TGS1: variants seen among roughly 807,000 people sequenced by gnomAD.
The protein encoded by TGS1 is trimethylguanosine synthase.
TGS1 carries 69 observed loss-of-function variants against 92.2 expected under a neutral mutation model. The observed-to-expected ratio is 0.75, with a 90% CI of 0.62 to 0.91. TGS1 has a LOEUF of 0.91. TGS1 is among the 40% of genes least tolerant of loss of function. The pLI is 0.00. For synonymous variants in TGS1, 345 were observed against 338.1 expected, an observed-to-expected ratio of 1.02 and a Z score of -0.22; for missense variants, 1,062 against 1,001.2, an observed-to-expected ratio of 1.06 and a Z score of -0.82.
At chr8:55,809,520 GCA>G (rs1238288457) in intron 10 of TGS1, among the ~76,000 whole-genome samples, 5 of 151,980 alleles carry the variant, frequency 3.3e-5, no homozygotes, top group African/African-American at 1.2e-4. Context: ...GAGTGCAGTG[GCA>G]CAGTCTCAGC....
chr8:55,786,706 A>G lies in TGS1; in HGVS notation c.808A>G (p.Thr270Ala). The G allele has an allele frequency of 6.2e-7, 1 of 1,614,190 alleles. No homozygotes were observed. Residue 270 changes from threonine to alanine, a missense_variant, in exon 4 of 13, where the codon ACA becomes GCA. By Grantham distance (58) the Thr-to-Ala change is moderately conservative (BLOSUM62 0). Transcript: ENST00000260129. ...WTFDASQSCD[T>A]DTYTSKTEAD... is the part of the protein sequence containing the mutation. ...TTTTGATGCCTCGCAAAGCTGTGATACAGATACTTACACATCTAAAACAGA... is the reference window on the plus strand; with the variant it reads ...TTTTGATGCCTCGCAAAGCTGTGATGCAGATACTTACACATCTAAAACAGA...
chr8:55,792,791 A>T lies in TGS1; in HGVS notation c.1367+7A>T, dbSNP rs1456224166. 1 of 1,600,448 alleles carries T rather than the reference A, an allele frequency of 6.2e-7. No homozygotes were observed. Among genetic ancestry groups the T allele is most frequent in the Admixed American group, 1.7e-5 (1 of 59,962 alleles). On this transcript the variant is annotated splice_region_variant and intron_variant, in intron 6 of 12. Coordinates refer to ENST00000260129, the MANE Select transcript of TGS1 (RefSeq NM_024831.8). ...AGTATGGCTCAGGACAAAAGTAATT[A>T]TTCATAAAAGCTATTGTTTTCCAGA... is the stretch of plus-strand genomic sequence containing the variant.
chr8:55,798,853 T>C, intron 7 of TGS1, 61 bp from the exon 8 acceptor site: 1 of 1,338,584 alleles, frequency 7.5e-7, no homozygotes. Context: ...TTGTAATAGG[T>C]AGGAAGATTC....
At chr8:55,791,371 G>A (rs1478080479) in intron 5 of TGS1, among the ~76,000 whole-genome samples, 1 of 152,174 alleles carries the variant, frequency 6.6e-6, no homozygotes, top group Non-Finnish European at 1.5e-5. Context: ...GCTTATACAG[G>A]AACATGTGCC....
intron 8 of TGS1, 23 bp downstream of exon 8, chr8:55,799,243 T>G: frequency 3.2e-6 from 5 of 1,566,176 alleles, no homozygotes; most frequent in Non-Finnish European, 4.3e-6. Flanking sequence ...ATGCTTCAAC[T>G]TGCTAATGGA....
chr8:55,776,604 G>A (rs1259398272), intron 1 of TGS1, among the ~76,000 whole-genome samples: 2 of 152,116 alleles, frequency 1.3e-5, no homozygotes, highest in African/African-American at 2.4e-5. Context: ...GCAAATAACC[G>A]ATTAGGTCAG....
chr8:55,823,553 G>T (rs769932824), intron 12 of TGS1, among the ~76,000 whole-genome samples: 1 of 152,140 alleles, frequency 6.6e-6, no homozygotes, highest in Non-Finnish European at 1.5e-5. Context: ...ATCCAAGGTG[G>T]GAGAAAAGAA....
chr8:55,786,692 C>G lies in TGS1; in HGVS notation c.794C>G (p.Ser265Trp). 1 of 1,614,044 alleles carries G rather than the reference C, an allele frequency of 6.2e-7. No homozygotes were observed. The highest frequency in any genetic ancestry group is 8.5e-7 in the Non-Finnish European group (1 of 1,180,002). Residue 265 changes from serine (S) to tryptophan (W), a missense_variant, in exon 4 of 13, where the codon TCG (serine) becomes TGG (tryptophan). Physicochemically the swap from Ser to Trp is radical, Grantham distance 177. Coordinates refer to ENST00000260129, the MANE Select transcript of TGS1 (RefSeq NM_024831.8). ...WEAQGWTFDA[S>W]QSCDTDTYTS... Reference sequence around the variant, plus strand: ...GCTCAGGGTTGGACTTTTGATGCCTCGCAAAGCTGTGATACAGATACTTAC... The same window carrying G: ...GCTCAGGGTTGGACTTTTGATGCCTGGCAAAGCTGTGATACAGATACTTAC...
intron 10 of TGS1, among the ~76,000 whole-genome samples, chr8:55,809,918 A>C (rs1803294844): frequency 6.6e-6 from 1 of 152,216 alleles, no homozygotes; most frequent in Non-Finnish European, 1.5e-5. Context: ...TGAACTATAA[A>C]TGTAACAGAC....
At chr8:55,816,168 C>G (rs1585793932) in intron 12 of TGS1, among the ~76,000 whole-genome samples, 2 of 152,256 alleles carry the variant, frequency 1.3e-5, no homozygotes, top group East Asian at 3.9e-4. Flanking sequence ...GCTTTCCTTT[C>G]TTTCTTTCCT....
In TGS1 at chr8:55,773,630, G is replaced by C; in HGVS notation, c.12G>C (p.Glu4Asp). 1 of 1,611,370 alleles carries C rather than the reference G, an allele frequency of 6.2e-7. No individual in the cohort carries two copies. Among genetic ancestry groups the C allele is most frequent in the African/African-American group, 1.3e-5 (1 of 74,970 alleles). ...TCCGAAGTGGTAAAATGTGCTGCGAGAAGTGGAGCCGCGTGGCGGAAATGT... is the reference window on the plus strand; with the variant it reads ...TCCGAAGTGGTAAAATGTGCTGCGACAAGTGGAGCCGCGTGGCGGAAATGT... The part of the protein sequence containing the change: MCC[E>D]KWSRVAEMFL... Residue 4 changes from glutamate to aspartate, a missense_variant, in exon 1 of 13, where the codon GAG (glutamate) becomes GAC (aspartate). Transcript: ENST00000260129.
intron 1 of TGS1, among the ~76,000 whole-genome samples, chr8:55,781,007 T>C (rs976825633): frequency 2.0e-5 from 3 of 152,154 alleles, no homozygotes; most frequent in African/African-American, 7.2e-5. Context: ...CAACCTGGAA[T>C]TGTCATTTCT....
At chr8:55,784,508 T>C (rs547220810) in intron 2 of TGS1, among the ~76,000 whole-genome samples, 2 of 152,284 alleles carry the variant, frequency 1.3e-5, no homozygotes, top group South Asian at 4.2e-4. Flanking sequence ...GTTTTGTTTG[T>C]AGTGACAGGG....
intron 8 of TGS1, 103 bp downstream of exon 8, chr8:55,799,323 A>C: frequency 9.2e-7 from 1 of 1,092,606 alleles, no homozygotes; most frequent in South Asian, 1.7e-5. Context: ...GTACCTAAGG[A>C]GTCACTGCTA....
intron 4 of TGS1, among the ~76,000 whole-genome samples, chr8:55,788,997 C>T (rs373761353): frequency 2.6e-5 from 4 of 152,102 alleles, no homozygotes; most frequent in African/African-American, 9.7e-5. Context: ...CCCTTACTTA[C>T]GTTTATAGAT....
rs1485874895 is a variant in TGS1, at chr8:55,794,460, T to G, written c.1368-1518T>G. 2.6e-5 allele frequency among the ~76,000 whole-genome samples: 4 copies of G among 152,236 alleles called. No homozygotes were observed. The East Asian group carries it at 7.7e-4, about 29-fold the overall frequency. On this transcript the variant is annotated intron_variant, in intron 6 of 12. Transcript: ENST00000260129. ...GGCATTTGGATTATTTGTGGCATTT[T>G]GCTGTTACAAATAAAGCAACAGTGC...
At chr8:55,779,305 A>G (rs1272128909) in intron 1 of TGS1, among the ~76,000 whole-genome samples, 1 of 152,256 alleles carries the variant, frequency 6.6e-6, no homozygotes, top group African/African-American at 2.4e-5. Context: ...TCATAAAAAT[A>G]TAACAGCTGG....
In TGS1 at chr8:55,786,643, T is replaced by G; in HGVS notation, c.745T>G (p.Leu249Val). Residue 249 changes from leucine (L) to valine (V), a missense_variant, in exon 4 of 13, where the codon TTG (leucine) becomes GTG (valine). Transcript: ENST00000260129. ...TTATAGTCAACTTTATTGGTATTATTTGGAACAATTTCAGTATTGGGAAGC... is the reference window on the plus strand; with the variant it reads ...TTATAGTCAACTTTATTGGTATTATGTGGAACAATTTCAGTATTGGGAAGC... ...QHYSQLYWYY[L>V]EQFQYWEAQG... The G allele has an allele frequency of 6.2e-7, 1 of 1,614,140 alleles. No homozygotes were observed. The highest frequency in any genetic ancestry group is 8.5e-7 in the Non-Finnish European group (1 of 1,180,020).
intron 2 of TGS1, among the ~76,000 whole-genome samples, chr8:55,785,364 A>G (rs1811678434): frequency 6.6e-6 from 1 of 151,980 alleles, no homozygotes; most frequent in Non-Finnish European, 1.5e-5. Flanking sequence ...CATACCGTCA[A>G]TTGTTTTTTT....
Sources: gnomAD v4.1 joint callset for allele counts (sites outside exome capture counted in the v4.1 genomes callset) on GRCh38, gnomAD v4.1.1 for gene constraint, MANE v1.5 for transcripts, NCBI Gene and HGNC (gene_info 2026-07-23, HGNC 2026-07-21) for gene names.